Variants in DNAI3 observed in about 807,000 individuals in gnomAD.
DNAI3 encodes dynein axonemal intermediate chain 3.
Under a neutral mutation model 115.5 loss-of-function variants are expected in DNAI3, and 83 were observed. That is an observed-to-expected ratio of 0.72 (90% CI 0.60 to 0.86). The LOEUF (loss-of-function observed/expected upper bound fraction) is 0.86. Ranked by LOEUF, DNAI3 falls within the 40% of genes least tolerant of loss-of-function variation. The pLI is 0.00. For synonymous variants in DNAI3, 320 were observed against 347.0 expected (o/e 0.92, Z 0.86); for missense variants, 1,004 against 1,075.8 (o/e 0.93, Z 0.93).
At chr1:85,093,256 A>G (rs1655032440) in intron 8 of DNAI3, among the ~76,000 whole-genome samples, 1 of 152,244 alleles carries the variant, frequency 6.6e-6, no homozygotes, top group Non-Finnish European at 1.5e-5. Context: ...AAGTTGCTCG[A>G]GGTTCTGAGT....
At chr1:85,125,333 A>G (rs992578839) in intron 19 of DNAI3, among the ~76,000 whole-genome samples, 1 of 152,076 alleles carries the variant, frequency 6.6e-6, no homozygotes, top group Non-Finnish European at 1.5e-5. Context: ...ATATATACAC[A>G]CACATATATA....
chr1:85,112,732 C>T (rs1655695476), intron 16 of DNAI3, among the ~76,000 whole-genome samples: 2 of 152,158 alleles, frequency 1.3e-5, no homozygotes, highest in South Asian at 4.1e-4. Flanking sequence ...GGTTAAGTGT[C>T]TGTTCAAATC....
intron 20 of DNAI3, among the ~76,000 whole-genome samples, chr1:85,127,129 T>C (rs1281984848): frequency 6.6e-6 from 1 of 152,214 alleles, no homozygotes; most frequent in East Asian, 1.9e-4. Context: ...GTTTCTTTAA[T>C]TTTCATTACA....
rs777539255 is a variant in DNAI3, at chr1:85,073,047, A to G, written c.65-7A>G. 6.5e-7 allele frequency: 1 copy of G among 1,529,842 alleles called. No homozygotes were observed. The highest frequency in any genetic ancestry group is 1.3e-5 in the South Asian group (1 of 75,262). The allele number at this position is 1,529,842 out of a possible 1,614,324, so 94.8% of individuals were successfully genotyped here. On this transcript the variant is annotated splice_polypyrimidine_tract_variant and splice_region_variant and intron_variant, in intron 2 of 22. Transcript: ENST00000294664. ...TGTAAATTTGACTTCCTTTTATTATATTCTAGCTAGTGAAGACATGGAACC... is the reference window on the plus strand; with the variant it reads ...TGTAAATTTGACTTCCTTTTATTATGTTCTAGCTAGTGAAGACATGGAACC...
rs773517668 is a variant in DNAI3, at chr1:85,082,251, C to G, written c.286-49C>G. The G allele has an allele frequency of 2.1e-6, 3 of 1,426,988 alleles. No homozygotes were observed. In the South Asian group the frequency reaches 3.6e-5, roughly 17 times the overall value. 88.4% of individuals were successfully genotyped at this position (1,426,988 alleles called of 1,614,324 possible). A position where few individuals can be genotyped will look rare whatever the true frequency, so the allele number is the denominator to read the frequency against. On this transcript the variant is annotated intron_variant, in intron 4 of 22. Coordinates refer to ENST00000294664, the MANE Select transcript of DNAI3 (RefSeq NM_145172.5). ...AATTTTGTGTTGGCATCAAAATAAA[C>G]TGAATGACCATTGAACATTAACTTC...
At chr1:85,077,154 A>G (rs1654482380) in intron 3 of DNAI3, among the ~76,000 whole-genome samples, 1 of 152,236 alleles carries the variant, frequency 6.6e-6, no homozygotes, top group South Asian at 2.1e-4. Context: ...AAAATAGACC[A>G]CATGTGCATG....
chr1:85,122,684 G>A (rs1656026631), intron 18 of DNAI3, among the ~76,000 whole-genome samples: 1 of 152,228 alleles, frequency 6.6e-6, no homozygotes, highest in South Asian at 2.1e-4. Flanking sequence ...AGGGTATCTA[G>A]TCAATCATGC....
rs142474864 is a variant in DNAI3, at chr1:85,093,663, A to G, written c.1048+15A>G. The G allele has an allele frequency of 5.3e-5, 86 of 1,613,378 alleles. No homozygotes were observed. The South Asian group carries it at 8.2e-4, about 15-fold the overall frequency. ...AACTATCTATGGTGAGATGGAAATGATGGGGATTCCCTTTTGTGATAACAT... is the reference window on the plus strand; with the variant it reads ...AACTATCTATGGTGAGATGGAAATGGTGGGGATTCCCTTTTGTGATAACAT... On this transcript the variant is annotated intron_variant, in intron 9 of 22. Coordinates refer to ENST00000294664, the MANE Select transcript of DNAI3 (RefSeq NM_145172.5).
At chr1:85,120,689 G>T (rs1026257772) in intron 17 of DNAI3, among the ~76,000 whole-genome samples, 1 of 152,180 alleles carries the variant, frequency 6.6e-6, no homozygotes, top group Non-Finnish European at 1.5e-5. Context: ...AGTGGTATCC[G>T]TGAGGGTGAT....
intron 14 of DNAI3, 42 bp from the exon 15 acceptor site, chr1:85,107,991 C>T: frequency 7.1e-7 from 1 of 1,403,078 alleles, no homozygotes; most frequent in Non-Finnish European, 9.4e-7. Flanking sequence ...GGCTGCACCT[C>T]TTGTTTGTAC....
intron 3 of DNAI3, among the ~76,000 whole-genome samples, chr1:85,074,233 T>C (rs1654379507): frequency 1.3e-5 from 2 of 152,172 alleles, no homozygotes; most frequent in African/African-American, 4.8e-5. Context: ...AGGCTCCTAT[T>C]TGATATCACT....
intron 16 of DNAI3, among the ~76,000 whole-genome samples, chr1:85,115,088 T>A (rs149299898): frequency 1.7e-4 from 26 of 152,378 alleles, no homozygotes; most frequent in African/African-American, 6.3e-4. Flanking sequence ...GGTCTGGGTT[T>A]AAATCCCAAA....
At chr1:85,119,782 C>G (rs186827998) in intron 17 of DNAI3, among the ~76,000 whole-genome samples, 104 of 152,172 alleles carry the variant, frequency 6.8e-4, no homozygotes, top group African/African-American at 2.4e-3. Context: ...ATTGCAACCT[C>G]CACCTCCCAG....
Position 85,093,535 on chromosome 1 carries a change from G to A in DNAI3, c.935G>A (p.Gly312Asp), listed in dbSNP as rs201704959. The change falls in exon 9 of 23, where the codon GGC (glycine) becomes GAC (aspartate). Residue 312 changes from glycine to aspartate, a missense_variant. Around this residue, in one of 3 missense-constraint regions of DNAI3, gnomAD observed 550 missense variants for 568.1 expected, o/e 0.97. Coordinates refer to ENST00000294664, the MANE Select transcript of DNAI3 (RefSeq NM_145172.5). ...DDWKYLAEEE[G>D]TFGDKTDTHL... is the part of the protein sequence containing the mutation. ...TGGAAATACCTCGCAGAAGAAGAAG[G>A]CACCTTTGGGGACAAGACCGATACC... The A allele has an allele frequency of 2.5e-6, 4 of 1,614,066 alleles. No homozygotes were observed. Among genetic ancestry groups the A allele is most frequent in the South Asian group, 1.1e-5 (1 of 91,058 alleles).
intron 7 of DNAI3, among the ~76,000 whole-genome samples, chr1:85,089,485 C>T (rs1357789432): frequency 1.4e-5 from 2 of 147,384 alleles, no homozygotes; most frequent in Non-Finnish European, 3.0e-5. Flanking sequence ...CTAGATGGAG[C>T]AAGACTTCCT....
At chr1:85,108,579 G>A (rs1478401694) in intron 15 of DNAI3, among the ~76,000 whole-genome samples, 1 of 152,122 alleles carries the variant, frequency 6.6e-6, no homozygotes, top group African/African-American at 2.4e-5. Flanking sequence ...ACAATGATAA[G>A]TTTCAGAGTT....
At chr1:85,092,947 C>T (rs1285953593) in intron 8 of DNAI3, among the ~76,000 whole-genome samples, 3 of 152,028 alleles carry the variant, frequency 2.0e-5, no homozygotes, top group African/African-American at 4.8e-5. Context: ...ACAGAATATG[C>T]CTAAGAAAAC....
chr1:85,092,340 T>C (rs941134378), intron 8 of DNAI3, among the ~76,000 whole-genome samples: 4 of 152,208 alleles, frequency 2.6e-5, no homozygotes, highest in African/African-American at 9.6e-5. Flanking sequence ...CCCTTTTTTA[T>C]ATTTTAGGAG....
chr1:85,096,091 G>T, intron 11 of DNAI3, 71 bp downstream of exon 11: 1 of 1,407,574 alleles, frequency 7.1e-7, no homozygotes, highest in African/African-American at 1.4e-5. Flanking sequence ...TGACTTGGCA[G>T]TTCCTTGGAC....
Sources: allele counts gnomAD v4.1 joint callset (sites outside exome capture counted in the v4.1 genomes callset), GRCh38; gene constraint gnomAD v4.1.1; regional missense constraint gnomAD v4.1.1; transcripts MANE v1.5; gene names NCBI Gene and HGNC (gene_info 2026-07-23, HGNC 2026-07-21).